KPNB1: variants seen among roughly 807,000 people sequenced by gnomAD.
The protein encoded by KPNB1 is karyopherin subunit beta 1, also known as importin subunit beta-1.
In KPNB1, 7 loss-of-function variants were observed where a neutral mutation model predicts 113.0. That is an observed-to-expected ratio of 0.06 (90% CI 0.04 to 0.12). KPNB1 has a LOEUF of 0.12. KPNB1 is among the 10% of genes least tolerant of loss of function. KPNB1 has a pLI of 1.00. For missense variants in KPNB1, 400 were observed against 1,054.8 expected, an observed-to-expected ratio of 0.38 and a Z score of 8.60; for synonymous variants, 363 against 378.6, an observed-to-expected ratio of 0.96 and a Z score of 0.48.
At chr17:47,679,750 G>A (rs1206713273) in intron 19 of KPNB1, 2 of 264,824 alleles carry the variant, frequency 7.6e-6, no homozygotes, top group African/African-American at 2.2e-5. Context: ...AGGCTGGAGC[G>A]CAGTGGCGCA....
intron 20 of KPNB1, 54 bp from the exon 21 acceptor site, chr17:47,680,454 A>C: frequency 6.3e-7 from 1 of 1,594,078 alleles, no homozygotes; most frequent in Admixed American, 1.7e-5. Context: ...GGCTCAAAAC[A>C]TTATACTGGT....
rs1441616954 is a variant in KPNB1 at position 47,675,370 on chromosome 17, TTGTTTTTTTTTTTTGTTTG to T, written c.1912+590_1912+608del. 5.2e-4 allele frequency among the ~76,000 whole-genome samples: 59 copies of T among 113,200 alleles called. 6 individuals carry two copies. The highest frequency in any genetic ancestry group is 4.3e-3 in the East Asian group (15 of 3,494). 74.3% of individuals were successfully genotyped at this position (113,200 alleles called of 152,430 possible). A position where few individuals can be genotyped will look rare whatever the true frequency, so the allele number is the denominator to read the frequency against. Reference sequence around the variant, plus strand: ...GATTGGCAGAGGTGTTGTTTTTTTTTTGTTTTTTTTTTTTGTTTGTTTTTTTTTTGAGACTTGTTCTGTT... The same window carrying T: ...GATTGGCAGAGGTGTTGTTTTTTTTTTTTTTTTTTTGAGACTTGTTCTGTT... On this transcript the variant is annotated intron_variant, in intron 15 of 21. Coordinates refer to ENST00000290158, the MANE Select transcript of KPNB1 (RefSeq NM_002265.6).
intron 11 of KPNB1, 178 bp from the exon 12 acceptor site, chr17:47,670,524 C>G (rs2030414197): frequency 2.0e-6 from 1 of 494,674 alleles, no homozygotes; most frequent in African/African-American, 1.9e-5. Flanking sequence ...ACAGGAAGTA[C>G]AAATCAAATA....
intron 9 of KPNB1, among the ~76,000 whole-genome samples, chr17:47,667,885 A>T (rs1465576611): frequency 6.6e-6 from 1 of 152,198 alleles, no homozygotes; most frequent in African/African-American, 2.4e-5. Context: ...AACTGGAATC[A>T]TACAGCATAC....
intron 4 of KPNB1, among the ~76,000 whole-genome samples, chr17:47,658,280 C>T (rs115953115): frequency 1.6e-3 from 242 of 152,240 alleles, no homozygotes; most frequent in African/African-American, 5.5e-3. Context: ...AGAATACTTA[C>T]AATACCTAAT....
At position 47,683,345 on chromosome 17, in the gene KPNB1, T is replaced by G. The variant is rs2030851171; in HGVS notation, c.*941T>G. 1 of 151,658 alleles carries G rather than the reference T, an allele frequency of 6.6e-6. No individual in the cohort carries two copies. The highest frequency in any genetic ancestry group is 6.6e-5 in the Admixed American group (1 of 15,172). 9.4% of individuals were successfully genotyped at this position (151,658 alleles called of 1,614,324 possible). On this transcript the variant is annotated 3_prime_UTR_variant, in exon 22 of 22. Transcript: ENST00000290158. Reference sequence around the variant, plus strand: ...TCTGGCGTTAGAGGATATAGAAAAATATAAGTACAATTGTTACAAATAACG... The same window carrying G: ...TCTGGCGTTAGAGGATATAGAAAAAGATAAGTACAATTGTTACAAATAACG...
intron 12 of KPNB1, among the ~76,000 whole-genome samples, chr17:47,672,047 T>C (rs565744222): frequency 2.6e-5 from 4 of 151,892 alleles, no homozygotes; most frequent in Non-Finnish European, 5.9e-5. Context: ...AGTCTTCTCT[T>C]GTCACCCAGG....
chr17:47,658,885 T>C, intron 5 of KPNB1, among the ~76,000 whole-genome samples: 1 of 152,204 alleles, frequency 6.6e-6, no homozygotes, highest in East Asian at 1.9e-4. Flanking sequence ...GCTTAGGTTT[T>C]TCCTTTTGCA....
rs542794086 is a variant in KPNB1 at position 47,653,231 on chromosome 17, A to G, written c.282+355A>G. ...GTTAATAGGTATTTCCAAGCTCTCCAGAAATTCCGATTCGGTACTTCTGGA... is the reference window on the plus strand; with the variant it reads ...GTTAATAGGTATTTCCAAGCTCTCCGGAAATTCCGATTCGGTACTTCTGGA... On this transcript the variant is annotated intron_variant, in intron 3 of 21. Coordinates refer to ENST00000290158, the MANE Select transcript of KPNB1 (RefSeq NM_002265.6). Among the ~76,000 whole-genome samples the G allele has an allele frequency of 3.3e-5, 5 of 151,014 alleles. No homozygotes were observed. In the East Asian group the frequency reaches 9.7e-4, roughly 29 times the overall value.
chr17:47,650,619 G>A (rs1486030488), intron 2 of KPNB1, among the ~76,000 whole-genome samples, 175 bp downstream of exon 2: 1 of 147,980 alleles, frequency 6.8e-6, no homozygotes, highest in Non-Finnish European at 1.5e-5. Flanking sequence ...CGGGAAGCCG[G>A]TGGGTGTGTC....
Position 47,670,798 on chromosome 17 carries a change from C to G in KPNB1, c.1513C>G (p.Leu505Val). 1 of 1,612,526 alleles carries G rather than the reference C, an allele frequency of 6.2e-7. No homozygotes were observed. The highest frequency in any genetic ancestry group is 8.5e-7 in the Non-Finnish European group (1 of 1,178,636). ...ATYCLSSSFELIVQKLLETTD... is the reference protein window; with the variant it reads ...ATYCLSSSFEVIVQKLLETTD... ...TTACTGCTTATCTTCTTCATTTGAACTCATAGTTCAGAAGCTCCTAGAGAC... is the reference window on the plus strand; with the variant it reads ...TTACTGCTTATCTTCTTCATTTGAAGTCATAGTTCAGAAGCTCCTAGAGAC... Residue 505 changes from leucine (L) to valine (V), a missense_variant, in exon 12 of 22, where the codon CTC (leucine) becomes GTC (valine). Transcript: ENST00000290158.
intron 12 of KPNB1, among the ~76,000 whole-genome samples, chr17:47,672,017 CTTT>C (rs11316050): frequency 5.5e-5 from 8 of 145,444 alleles, no homozygotes; most frequent in Non-Finnish European, 4.5e-5. Context: ...CAAAATCTTC[CTTT>C]TTTTTTTTTT....
At position 47,672,446 on chromosome 17, in the gene KPNB1, T is replaced by C. The variant is rs146944844; in HGVS notation, c.1548-572T>C. On this transcript the variant is annotated intron_variant, in intron 12 of 21. Coordinates refer to ENST00000290158, the MANE Select transcript of KPNB1 (RefSeq NM_002265.6). ...GGAGTTTCGGTCTTGTTGCTCAGGC[T>C]GGAGTGCGGTCTCGGCCCACTGCAA... 2.6e-3 allele frequency among the ~76,000 whole-genome samples: 388 copies of C among 152,044 alleles called. 1 individual carries two copies. Among genetic ancestry groups the C allele is most frequent in the African/African-American group, 9.1e-3 (377 of 41,444 alleles).
chr17:47,675,358 G>GTTGTTTTT (rs2030565451), intron 15 of KPNB1, among the ~76,000 whole-genome samples: 2 of 88,812 alleles, frequency 2.3e-5, no homozygotes, highest in African/African-American at 4.3e-5. Flanking sequence ...TGGCAGAGGT[G>GTTGTTTTT]TTGTTTTTTT....
intron 3 of KPNB1, among the ~76,000 whole-genome samples, chr17:47,654,121 T>C (rs1389994693): frequency 1.3e-5 from 2 of 151,982 alleles, no homozygotes; most frequent in African/African-American, 4.8e-5. Flanking sequence ...TAAAAAAAAA[T>C]TAGACAATAA....
chr17:47,658,226 C>T (rs2029966623), intron 4 of KPNB1, among the ~76,000 whole-genome samples: 1 of 152,138 alleles, frequency 6.6e-6, no homozygotes, highest in South Asian at 2.1e-4. Flanking sequence ...GTAGTATTTG[C>T]ATATAACCTA....
chr17:47,664,362 G>C, intron 8 of KPNB1, 93 bp downstream of exon 8: 1 of 818,500 alleles, frequency 1.2e-6, no homozygotes, highest in Admixed American at 2.0e-5. Context: ...TATTCTGTCT[G>C]GGTTTAGAGG....
At chr17:47,665,704 A>C (rs1361375085) in intron 9 of KPNB1, among the ~76,000 whole-genome samples, 4 of 152,190 alleles carry the variant, frequency 2.6e-5, no homozygotes. Flanking sequence ...GACTTCATAA[A>C]GATTGGGGTC....
intron 2 of KPNB1, chr17:47,651,370 G>C: frequency 3.0e-6 from 3 of 984,872 alleles, no homozygotes; most frequent in Non-Finnish European, 3.6e-6. Flanking sequence ...TGACATCTTT[G>C]AGAAAGGTAA....
Sources: allele counts gnomAD v4.1 joint callset (sites outside exome capture counted in the v4.1 genomes callset), GRCh38; gene constraint gnomAD v4.1.1; transcripts MANE v1.5; gene names NCBI Gene and HGNC (gene_info 2026-07-23, HGNC 2026-07-21).